The following CACNA1D variants were observed in gnomAD, a reference collection of about 807,000 sequenced individuals.
CACNA1D encodes the protein calcium voltage-gated channel subunit alpha1 D, also known as voltage-dependent L-type calcium channel subunit alpha-1D.
A neutral mutation model predicts 257.1 loss-of-function variants in CACNA1D; 55 were observed. That is an observed-to-expected ratio of 0.21 (90% CI 0.17 to 0.27). CACNA1D has a LOEUF of 0.27. Ranked by LOEUF, CACNA1D falls within the 10% of genes least tolerant of loss-of-function variation. The pLI is 1.00. For synonymous variants in CACNA1D, 980 were observed against 1,014.9 expected (o/e 0.97, Z 0.65); for missense variants, 1,876 against 2,784.0 (o/e 0.67, Z 7.34).
intron 3 of CACNA1D, among the ~76,000 whole-genome samples, chr3:53,647,267 A>C (rs1237713589): frequency 6.6e-6 from 1 of 152,174 alleles, no homozygotes; most frequent in Non-Finnish European, 1.5e-5. Flanking sequence ...TGAGTGCCAC[A>C]GGTGTGACTC....
intron 45 of CACNA1D, 74 bp downstream of exon 45, chr3:53,805,220 G>T: frequency 6.9e-7 from 1 of 1,451,532 alleles, no homozygotes. Context: ...CCCGCTCTGG[G>T]GGCCGGTGAT....
At chr3:53,618,053 C>T (rs1283910152) in intron 3 of CACNA1D, among the ~76,000 whole-genome samples, 3 of 152,186 alleles carry the variant, frequency 2.0e-5, no homozygotes, top group Non-Finnish European at 4.4e-5. Flanking sequence ...GAACCTTGAA[C>T]AGCTCTTTGC....
chr3:53,800,991 C>T lies in CACNA1D; in HGVS notation c.5041-67C>T. ...TTTGTTTTTCATGTAGAAAAAGTTACCTAACATAGCTAGTCTGCATCAAAT... is the reference window on the plus strand; with the variant it reads ...TTTGTTTTTCATGTAGAAAAAGTTATCTAACATAGCTAGTCTGCATCAAAT... On this transcript the variant is annotated intron_variant, in intron 41 of 47. Transcript: ENST00000350061. This position sits in a 1 kb window ranked among gnomAD's most constrained non-coding sequence, Gnocchi z 4.3. 1.3e-6 allele frequency: 2 copies of T among 1,537,628 alleles called. No individual in the cohort carries two copies. The highest frequency in any genetic ancestry group is 2.2e-5 in the South Asian group (2 of 89,296).
At chr3:53,742,093 G>A (rs1338171493) in intron 21 of CACNA1D, among the ~76,000 whole-genome samples, 2 of 152,064 alleles carry the variant, frequency 1.3e-5, no homozygotes, top group Admixed American at 1.3e-4. Context: ...ATGGTTCCTG[G>A]TGGCCTTGGG....
At chr3:53,724,899 T>C (rs2094919072) in intron 14 of CACNA1D, among the ~76,000 whole-genome samples, 1 of 152,168 alleles carries the variant, frequency 6.6e-6, no homozygotes. Context: ...CAGGTATATA[T>C]AATCTGCTGT....
chr3:53,695,458 C>T (rs2108549358), intron 8 of CACNA1D, among the ~76,000 whole-genome samples: 1 of 152,298 alleles, frequency 6.6e-6, no homozygotes, highest in African/African-American at 2.4e-5. Context: ...CTGCCCCGCC[C>T]AGCCCGTCCT....
intron 42 of CACNA1D, 25 bp downstream of exon 42, chr3:53,801,450 T>C: frequency 6.2e-7 from 1 of 1,612,550 alleles, no homozygotes. Flanking sequence ...GTGTTTGGAC[T>C]TGCTCATGTG....
At chr3:53,675,257 C>T (rs901650421) in intron 8 of CACNA1D, among the ~76,000 whole-genome samples, 19 of 152,212 alleles carry the variant, frequency 1.2e-4, no homozygotes, top group Non-Finnish European at 2.1e-4. Flanking sequence ...CTCAAGCCTC[C>T]GGCCCTTCCA....
intron 3 of CACNA1D, among the ~76,000 whole-genome samples, chr3:53,617,962 G>A (rs1165082127): frequency 6.6e-6 from 1 of 152,164 alleles, no homozygotes; most frequent in Non-Finnish European, 1.5e-5. Flanking sequence ...GCCCAGGTAT[G>A]TTTTAGGTGC....
intron 33 of CACNA1D, 105 bp downstream of exon 33, chr3:53,773,003 A>G: frequency 1.0e-6 from 1 of 967,714 alleles, no homozygotes; most frequent in Non-Finnish European, 1.7e-6. Context: ...GTGATTTTTC[A>G]GCCAAATGCC....
At chr3:53,724,066 G>C in intron 14 of CACNA1D, 67 bp downstream of exon 14, 1 of 1,235,948 alleles carries the variant, frequency 8.1e-7, no homozygotes, top group Non-Finnish European at 1.2e-6. Flanking sequence ...CTGCCTTCTT[G>C]TCTGCTCACA....
chr3:53,760,047 G>A (rs1465430038), intron 29 of CACNA1D, among the ~76,000 whole-genome samples: 5 of 152,188 alleles, frequency 3.3e-5, no homozygotes, highest in Admixed American at 3.3e-4. Context: ...TGATAGATGG[G>A]CCAGGGAGGG....
chr3:53,655,097 C>T (rs1345870462), intron 4 of CACNA1D, among the ~76,000 whole-genome samples: 1 of 152,146 alleles, frequency 6.6e-6, no homozygotes, highest in Non-Finnish European at 1.5e-5. Context: ...CGTTAGTTTG[C>T]TAAGGATAAT....
chr3:53,625,825 T>C (rs1215346603), intron 3 of CACNA1D, among the ~76,000 whole-genome samples: 1 of 152,182 alleles, frequency 6.6e-6, no homozygotes, highest in Non-Finnish European at 1.5e-5. Context: ...TGTTAATGTA[T>C]GGTTGGGTGA....
chr3:53,644,075 C>T (rs915037136), intron 3 of CACNA1D, among the ~76,000 whole-genome samples: 2 of 152,064 alleles, frequency 1.3e-5, no homozygotes, highest in African/African-American at 4.8e-5. Flanking sequence ...TTTATAAATG[C>T]GGAATATCTA....
At chr3:53,722,597 C>G in intron 12 of CACNA1D, 123 bp downstream of exon 12, 1 of 1,014,466 alleles carries the variant, frequency 9.9e-7, no homozygotes, top group Non-Finnish European at 1.5e-6. Flanking sequence ...TGAGGACAAA[C>G]TTGGTAGAAC....
rs548959346 is a variant in CACNA1D, at chr3:53,789,080, G to A, written c.4923+2128G>A. On this transcript the variant is annotated intron_variant, in intron 40 of 47. Transcript: ENST00000350061. The surrounding 1 kb of genome is among the most constrained non-coding windows in gnomAD (Gnocchi z 4.2). ...AATGGCATGAATGATACAGCGGCAG[G>A]TTGTGGGTTAAAAGACTCTTTTTGT... Among the ~76,000 whole-genome samples the A allele has an allele frequency of 6.6e-6, 1 of 152,308 alleles. No homozygotes were observed. Among genetic ancestry groups the A allele is most frequent in the South Asian group, 2.1e-4 (1 of 4,826 alleles).
intron 33 of CACNA1D, chr3:53,773,602 G>C (rs533320064): frequency 1.4e-4 from 22 of 152,342 alleles, no homozygotes; most frequent in Admixed American, 1.4e-3. Context: ...AAGGAGGGAT[G>C]TAAGTCAGAA....
chr3:53,512,467 G>T (rs774611203), intron 3 of CACNA1D, among the ~76,000 whole-genome samples: 1 of 152,114 alleles, frequency 6.6e-6, no homozygotes, highest in Non-Finnish European at 1.5e-5. Flanking sequence ...GATTGACCCT[G>T]AATGAGGAAT....
Sources: gnomAD v4.1 joint callset for allele counts (sites outside exome capture counted in the v4.1 genomes callset) on GRCh38, gnomAD v4.1.1 for gene constraint, Gnocchi (gnomAD v3.1) non-coding constraint, MANE v1.5 for transcripts, NCBI Gene and HGNC (gene_info 2026-07-23, HGNC 2026-07-21) for gene names.